KIR3DL3: variants seen among roughly 807,000 people sequenced by gnomAD.
The protein encoded by KIR3DL3 is killer cell immunoglobulin-like receptor 3DL3.
KIR3DL3 carries 27 observed loss-of-function variants against 34.9 expected under a neutral mutation model. The observed-to-expected ratio is 0.77, with a 90% CI of 0.57 to 1.07. The LOEUF (loss-of-function observed/expected upper bound fraction) is 1.07. Among genes scored for constraint, KIR3DL3 ranks in the 50% least tolerant of loss-of-function variants. The pLI is 0.00. For missense variants in KIR3DL3, 681 were observed against 528.5 expected, an observed-to-expected ratio of 1.29 and a Z score of -2.83; for synonymous variants, 217 against 200.2, an observed-to-expected ratio of 1.08 and a Z score of -0.71.
At chr19:54,732,495 G>T (rs1486154721) in intron 5 of KIR3DL3, among the ~76,000 whole-genome samples, 1 of 151,974 alleles carries the variant, frequency 6.6e-6, no homozygotes, top group African/African-American at 2.4e-5. Flanking sequence ...AATCTCAAGT[G>T]ATCCCACCGC....
chr19:54,727,145 G>A (rs2068271087), intron 3 of KIR3DL3, among the ~76,000 whole-genome samples: 1 of 135,524 alleles, frequency 7.4e-6, no homozygotes, highest in African/African-American at 2.8e-5. Flanking sequence ...CTGGGGCCAT[G>A]GAGAAGGCAC....
intron 5 of KIR3DL3, among the ~76,000 whole-genome samples, chr19:54,732,593 T>C (rs4392183): frequency 0.095 from 14,487 of 152,232 alleles, 1,335 homozygotes; most frequent in African/African-American, 0.25. Context: ...GCTGAGTATA[T>C]AATTTCAGGT....
intron 3 of KIR3DL3, among the ~76,000 whole-genome samples, chr19:54,726,846 G>A (rs1378203909): frequency 1.6e-5 from 2 of 128,544 alleles, no homozygotes; most frequent in Non-Finnish European, 3.4e-5. Flanking sequence ...ACACAGCCCT[G>A]CAGATGCCTT....
intron 3 of KIR3DL3, among the ~76,000 whole-genome samples, chr19:54,727,249 A>G (rs1309632938): frequency 8.3e-6 from 1 of 120,372 alleles, no homozygotes; most frequent in Non-Finnish European, 1.8e-5. Context: ...GGCCTTTCCA[A>G]TCTGTCCAAA....
At chr19:54,735,906 CTT>C (rs1568873197) in intron 7 of KIR3DL3, 34 bp downstream of exon 7, 8 of 1,605,824 alleles carry the variant, frequency 5.0e-6, no homozygotes, top group Non-Finnish European at 6.8e-6. Context: ...CGTGGCTAGT[CTT>C]ATTCCCAAAG....
rs1397211091 is a variant in KIR3DL3 at position 54,736,193 on chromosome 19, C to T, written c.*97C>T. The stretch of plus-strand genomic sequence containing the variant: ...ATGGGATCTTCTAGGGAGACAATAG[C>T]CCTGTCTCAAAACCGGGTTGCCAGC... On this transcript the variant is annotated 3_prime_UTR_variant, in exon 8 of 8. Coordinates refer to ENST00000291860, the MANE Select transcript of KIR3DL3 (RefSeq NM_153443.5). 4 of 1,543,736 alleles carry T rather than the reference C, an allele frequency of 2.6e-6. No individual in the cohort carries two copies. Among genetic ancestry groups the T allele is most frequent in the African/African-American group, 1.4e-5 (1 of 69,100 alleles).
At chr19:54,724,982 C>T (rs1301445119) in intron 1 of KIR3DL3, among the ~76,000 whole-genome samples, 9 of 109,590 alleles carry the variant, frequency 8.2e-5, no homozygotes, top group Admixed American at 5.1e-4. Context: ...AATGGAGACA[C>T]GGGCCTGGAG....
Position 54,727,745 on chromosome 19 carries a change from C to T in KIR3DL3, c.490C>T (p.Pro164Ser), listed in dbSNP as rs1488327709. The change falls in exon 4 of 8, where the codon CCC becomes TCC. Residue 164 changes from proline (P) to serine (S), a missense_variant. By Grantham distance (74) the Pro-to-Ser change is moderately conservative. Coordinates refer to ENST00000291860, the MANE Select transcript of KIR3DL3 (RefSeq NM_153443.5). ...GCACAGAGAGGGGATCACTGAGGAC[C>T]CCTTGCGCCTCGTTGGACAGCTCCA... ...LLHREGITED[P>S]LRLVGQLHDA... 1 of 1,612,788 alleles carries T rather than the reference C, an allele frequency of 6.2e-7. No homozygotes were observed. The highest frequency in any genetic ancestry group is 1.7e-5 in the Admixed American group (1 of 59,840).
chr19:54,733,360 C>T (rs1402236038), intron 5 of KIR3DL3, among the ~76,000 whole-genome samples: 10 of 151,900 alleles, frequency 6.6e-5, no homozygotes, highest in African/African-American at 2.2e-4. Context: ...GGTGAAACCC[C>T]GTCTGTACTA....
At chr19:54,726,478 G>T (rs2068201311) in intron 3 of KIR3DL3, 141 bp downstream of exon 3, 4 of 1,117,078 alleles carry the variant, frequency 3.6e-6, no homozygotes, top group Non-Finnish European at 5.0e-6. Context: ...AGAAATAGTT[G>T]CTGTGGTGGG....
chr19:54,726,060 G>T lies in KIR3DL3; in HGVS notation c.78G>T (p.Gln26His). The change falls in exon 3 of 8, where the codon CAG (glutamine) becomes CAT (histidine). Residue 26 changes from glutamine (Q) to histidine (H), a missense_variant. Physicochemically the swap from Gln to His is conservative, Grantham distance 24. Transcript: ENST00000291860. ...LEGPWPHVGG[Q>H]DKPFLSAWPG... ...TGCCTCCTTCTCCCCCAGGTGGTCA[G>T]GACAAGCCCTTCCTCTCTGCCTGGC... 1 of 1,611,288 alleles carries T rather than the reference G, an allele frequency of 6.2e-7. No homozygotes were observed. Among genetic ancestry groups the T allele is most frequent in the Non-Finnish European group, 8.5e-7 (1 of 1,178,086 alleles).
rs754931284 is a variant in KIR3DL3, at chr19:54,726,291, C to T, written c.309C>T (p.Pro103=). The T allele has an allele frequency of 1.9e-6, 3 of 1,613,834 alleles. No homozygotes were observed. Among genetic ancestry groups the T allele is most frequent in the Admixed American group, 1.7e-5 (1 of 59,974 alleles). The part of the protein sequence containing the change: ...YRCCSSHPHS[P]TGWSAPSNPV... ...GTTGCAGTTCACACCCACACTCCCC[C>T]ACTGGGTGGTCGGCACCCAGCAACC... Residue 103 remains proline, a synonymous_variant, in exon 3 of 8, where the codon CCC becomes CCT. Coordinates refer to ENST00000291860, the MANE Select transcript of KIR3DL3 (RefSeq NM_153443.5).
At chr19:54,727,521 C>G in intron 3 of KIR3DL3, 90 bp from the exon 4 acceptor site, 1 of 1,195,664 alleles carries the variant, frequency 8.4e-7, no homozygotes, top group South Asian at 1.5e-5. Flanking sequence ...GAGAGATAGA[C>G]ACCATGGAGG....
intron 5 of KIR3DL3, among the ~76,000 whole-genome samples, chr19:54,734,394 C>T (rs1431437688): frequency 2.7e-5 from 4 of 150,714 alleles, no homozygotes; most frequent in East Asian, 1.9e-4. Flanking sequence ...CAGAAACCTA[C>T]ATTTCAATGT....
intron 4 of KIR3DL3, among the ~76,000 whole-genome samples, chr19:54,728,401 C>G (rs34223723): frequency 0.61 from 85,065 of 138,926 alleles, 26,682 homozygotes; most frequent in East Asian, 0.89. Context: ...TGTCATCGTC[C>G]CAGGACACCA....
At chr19:54,731,258 G>C (rs1331734814) in intron 5 of KIR3DL3, among the ~76,000 whole-genome samples, 3 of 151,870 alleles carry the variant, frequency 2.0e-5, no homozygotes, top group African/African-American at 7.3e-5. Context: ...TACCCACCTC[G>C]GCCTCCCAAT....
chr19:54,730,154 C>T (rs371852753), intron 5 of KIR3DL3, among the ~76,000 whole-genome samples: 33 of 152,214 alleles, frequency 2.2e-4, no homozygotes, highest in East Asian at 1.5e-3. Context: ...TCACCAGCAA[C>T]GCCTACACCC....
In KIR3DL3 at chr19:54,726,162, G is replaced by A; in HGVS notation, c.180G>A (p.Leu60=). 3.7e-6 allele frequency: 6 copies of A among 1,613,262 alleles called. No individual in the cohort carries two copies. The highest frequency in any genetic ancestry group is 1.7e-5 in the Admixed American group (1 of 59,884). ...GTCTTGGGTTTAATGAATTCAGTCT[G>A]TCCAAAGAAGACGGGATGCCTGTCC... The part of the protein sequence containing the change: ...RSRLGFNEFS[L]SKEDGMPVPE... The change falls in exon 3 of 8, where the codon CTG becomes CTA. Residue 60 remains leucine, a synonymous_variant. Transcript: ENST00000291860.
intron 4 of KIR3DL3, among the ~76,000 whole-genome samples, chr19:54,729,265 G>T (rs1363106711): frequency 6.6e-6 from 1 of 151,546 alleles, no homozygotes. Flanking sequence ...AGAATAAAAT[G>T]GTACAAAAAA....
Sources: gnomAD v4.1 joint callset for allele counts (sites outside exome capture counted in the v4.1 genomes callset) on GRCh38, gnomAD v4.1.1 for gene constraint, MANE v1.5 for transcripts, NCBI Gene and HGNC (gene_info 2026-07-23, HGNC 2026-07-21) for gene names.